IPO11: variants seen among roughly 807,000 people sequenced by gnomAD.
The protein encoded by IPO11 is importin-11.
IPO11 carries 66 observed loss-of-function variants against 143.2 expected under a neutral mutation model. The ratio of observed to expected loss-of-function variants is 0.46; its 90% confidence interval spans 0.38 to 0.57. The LOEUF (loss-of-function observed/expected upper bound fraction) is 0.57. IPO11 is among the 20% of genes least tolerant of loss of function. The pLI is 0.00. For missense variants in IPO11, 1,026 were observed against 1,141.0 expected, an observed-to-expected ratio of 0.90 and a Z score of 1.45; for synonymous variants, 385 against 377.8, an observed-to-expected ratio of 1.02 and a Z score of -0.22.
chr5:62,598,205 C>G (rs151336669), intron 28 of IPO11, among the ~76,000 whole-genome samples: 1 of 152,080 alleles, frequency 6.6e-6, no homozygotes, highest in Non-Finnish European at 1.5e-5. Flanking sequence ...TATTGAACTA[C>G]TGGCACTGGG....
chr5:62,555,621 A>T (rs965128578), intron 26 of IPO11, among the ~76,000 whole-genome samples: 3 of 151,862 alleles, frequency 2.0e-5, no homozygotes, highest in African/African-American at 7.3e-5. Flanking sequence ...CTCCTGCCTC[A>T]GCCTCCCAAG....
Position 62,443,033 on chromosome 5 carries a change from A to G in IPO11, c.189A>G (p.Val63=). The change falls in exon 3 of 30, where the codon GTA becomes GTG. Residue 63 remains valine, a synonymous_variant. Transcript: ENST00000325324. ...TLDINVRWLA[V]LYFKHGIDRY... ...ATATAAATGTAAGGTGGCTTGCTGT[A>G]CTGTATTTTAAACATGGAATTGATC... The G allele has an allele frequency of 6.2e-7, 1 of 1,612,888 alleles. No homozygotes were observed. Among genetic ancestry groups the G allele is most frequent in the Admixed American group, 1.7e-5 (1 of 59,898 alleles).
At chr5:62,454,797 A>G (rs1745068112) in intron 5 of IPO11, among the ~76,000 whole-genome samples, 1 of 152,222 alleles carries the variant, frequency 6.6e-6, no homozygotes, top group African/African-American at 2.4e-5. Context: ...GAAAGAGTAC[A>G]CATAATGATT....
At chr5:62,585,347 A>G (rs1259228398) in intron 27 of IPO11, among the ~76,000 whole-genome samples, 1 of 152,184 alleles carries the variant, frequency 6.6e-6, no homozygotes. Context: ...AATCAGGACC[A>G]TACCTGCAGT....
At chr5:62,428,671 AT>A (rs924915549) in intron 1 of IPO11, among the ~76,000 whole-genome samples, 34 of 148,194 alleles carry the variant, frequency 2.3e-4, no homozygotes, top group Admixed American at 2.0e-3. Context: ...GATTGAAAAC[AT>A]TTTTTTTTTA....
intron 19 of IPO11, among the ~76,000 whole-genome samples, chr5:62,515,062 AT>A (rs1276948655): frequency 6.6e-5 from 10 of 152,278 alleles, no homozygotes; most frequent in African/African-American, 2.4e-4. Flanking sequence ...ATAATTTCCA[AT>A]TTGGTAAGCT....
intron 27 of IPO11, among the ~76,000 whole-genome samples, chr5:62,582,499 A>G (rs532222940): frequency 1.0e-3 from 159 of 152,316 alleles, no homozygotes; most frequent in African/African-American, 3.6e-3. Flanking sequence ...AGATCTCCAC[A>G]TGGAAATATA....
chr5:62,461,593 G>A (rs1171976687), intron 5 of IPO11, among the ~76,000 whole-genome samples: 2 of 152,196 alleles, frequency 1.3e-5, no homozygotes, highest in Non-Finnish European at 2.9e-5. Context: ...GCTAGCTAGA[G>A]AGTCTTGAAT....
intron 4 of IPO11, among the ~76,000 whole-genome samples, chr5:62,450,334 C>T (rs1489241297): frequency 6.6e-6 from 1 of 152,118 alleles, no homozygotes; most frequent in Non-Finnish European, 1.5e-5. Flanking sequence ...CATGTATAAT[C>T]GTGGTCCCAT....
intron 29 of IPO11, among the ~76,000 whole-genome samples, chr5:62,610,999 C>T (rs1242046114): frequency 6.6e-6 from 1 of 152,180 alleles, no homozygotes; most frequent in Non-Finnish European, 1.5e-5. Context: ...CTACCTGCTT[C>T]TCTAAGTTTG....
At chr5:62,600,065 A>C (rs959528490) in intron 28 of IPO11, among the ~76,000 whole-genome samples, 2 of 152,108 alleles carry the variant, frequency 1.3e-5, no homozygotes, top group African/African-American at 4.8e-5. Context: ...GGGAGACAGA[A>C]TCTTGCTCTG....
intron 29 of IPO11, among the ~76,000 whole-genome samples, chr5:62,624,839 A>T (rs1019790296): frequency 6.6e-6 from 1 of 151,728 alleles, no homozygotes; most frequent in Non-Finnish European, 1.5e-5. Flanking sequence ...AAACAATTTA[A>T]CTGGGCATAG....
chr5:62,542,906 A>T (rs370917283), intron 24 of IPO11, among the ~76,000 whole-genome samples: 10 of 152,198 alleles, frequency 6.6e-5, no homozygotes, highest in African/African-American at 2.4e-4. Flanking sequence ...AAGATGACAC[A>T]AATATTTTTA....
chr5:62,494,989 T>G (rs896478788), intron 16 of IPO11, among the ~76,000 whole-genome samples: 8 of 152,192 alleles, frequency 5.3e-5, no homozygotes, highest in Non-Finnish European at 1.2e-4. Context: ...TGTACTTCCC[T>G]TTTTTACATA....
At chr5:62,450,837 A>G (rs1186172891) in intron 4 of IPO11, among the ~76,000 whole-genome samples, 4 of 152,054 alleles carry the variant, frequency 2.6e-5, no homozygotes, top group Admixed American at 6.5e-5. Flanking sequence ...TATAGGTACA[A>G]TAATTCTTAA....
chr5:62,424,529 C>T (rs866880105), intron 1 of IPO11, among the ~76,000 whole-genome samples: 23 of 151,844 alleles, frequency 1.5e-4, no homozygotes, highest in African/African-American at 5.1e-4. Context: ...GCCTCTGCCA[C>T]CTCAGCTTCT....
At chr5:62,592,757 A>AG (rs1269310245) in intron 28 of IPO11, among the ~76,000 whole-genome samples, 2 of 152,128 alleles carry the variant, frequency 1.3e-5, no homozygotes, top group Non-Finnish European at 2.9e-5. Flanking sequence ...GCTGTGCAAA[A>AG]GGGGAAAAAC....
Position 62,548,918 on chromosome 5 carries a change from A to C in IPO11, c.2251-1449A>C, listed in dbSNP as rs572650400. ...AAAATTTTTTTTCTGTAATTTTAGT[A>C]GGGTTTTAGATGGGAGTGAAATTAT... On this transcript the variant is annotated intron_variant, in intron 24 of 29. Transcript: ENST00000325324. Among the ~76,000 whole-genome samples the C allele has an allele frequency of 3.3e-5, 5 of 152,108 alleles. No homozygotes were observed. The East Asian group carries it at 9.7e-4, about 29-fold the overall frequency.
At chr5:62,416,583 A>C (rs983261924) in intron 1 of IPO11, among the ~76,000 whole-genome samples, 10 of 152,002 alleles carry the variant, frequency 6.6e-5, no homozygotes, top group African/African-American at 2.4e-4. Flanking sequence ...ATCTCCAAAT[A>C]CTGAGGGTTC....
Sources: allele counts gnomAD v4.1 joint callset (sites outside exome capture counted in the v4.1 genomes callset), GRCh38; gene constraint gnomAD v4.1.1; transcripts MANE v1.5; gene names NCBI Gene and HGNC (gene_info 2026-07-23, HGNC 2026-07-21).